The following SLCO4A1 variants were observed in gnomAD, a reference collection of about 807,000 sequenced individuals.
SLCO4A1 encodes the protein colon organic anion transporter.
Under a neutral mutation model 64.6 loss-of-function variants are expected in SLCO4A1, and 51 were observed. The ratio of observed to expected loss-of-function variants is 0.79; its 90% confidence interval spans 0.63 to 1.00. The LOEUF (loss-of-function observed/expected upper bound fraction) is 1.00. Among genes scored for constraint, SLCO4A1 ranks in the 50% least tolerant of loss-of-function variants. SLCO4A1 has a pLI of 0.00. For synonymous variants in SLCO4A1, 471 were observed against 444.9 expected, an observed-to-expected ratio of 1.06 and a Z score of -0.74; for missense variants, 919 against 980.5, an observed-to-expected ratio of 0.94 and a Z score of 0.84.
chr20:62,672,015 G>A lies in SLCO4A1; in HGVS notation c.*122G>A, dbSNP rs905108317. 2.5e-6 allele frequency: 4 copies of A among 1,578,820 alleles called. No homozygotes were observed. Among genetic ancestry groups the A allele is most frequent in the Middle Eastern group, 1.7e-4 (1 of 6,038 alleles). The stretch of plus-strand genomic sequence containing the variant: ...TGACCTGCAACCTTCTACTTAACCT[G>A]TGGTTTAAAGTCGGCTGTGACCTCC... On this transcript the variant is annotated 3_prime_UTR_variant, in exon 12 of 12. Coordinates refer to ENST00000217159, the MANE Select transcript of SLCO4A1 (RefSeq NM_016354.4).
chr20:62,658,100 G>A (rs1012576166), intron 2 of SLCO4A1, among the ~76,000 whole-genome samples: 2 of 152,280 alleles, frequency 1.3e-5, no homozygotes, highest in East Asian at 1.9e-4. Context: ...TCCCGGGAAG[G>A]GCATCGTAGG....
At position 62,656,571 on chromosome 20, in the gene SLCO4A1, G is replaced by C. The variant is rs746181280; in HGVS notation, c.117G>C (p.Leu39=). ...PSRRASPGTP[L]SPGSLRSAAH... ...GGAGGGCATCCCCGGGCACACCCCT[G>C]AGCCCCGGCTCCCTCCGCTCCGCTG... is the stretch of plus-strand genomic sequence containing the variant. Residue 39 remains leucine (L), a synonymous_variant, in exon 2 of 12, where the codon CTG becomes CTC. Transcript: ENST00000217159. The C allele has an allele frequency of 6.3e-7, 1 of 1,587,774 alleles. No individual in the cohort carries two copies. The highest frequency in any genetic ancestry group is 8.5e-7 in the Non-Finnish European group (1 of 1,171,518).
downstream of SLCO4A1, among the ~76,000 whole-genome samples, chr20:62,673,150 G>A (rs1316699057): frequency 7.0e-6 from 1 of 142,606 alleles, no homozygotes; most frequent in Non-Finnish European, 1.6e-5. Flanking sequence ...TGACTGCTGG[G>A]CCAGGGAGGG....
Position 62,644,411 on chromosome 20 carries a change from C to G in SLCO4A1, c.-97+1858C>G, listed in dbSNP as rs918054253. ...AGCTCACTGGGTGTGGCCCCTAAAG[C>G]AGGTGCTGGGCAAGTCCCTCCCATG... On this transcript the variant is annotated intron_variant, in intron 1 of 11. Transcript: ENST00000217159. This position sits in a 1 kb window ranked among gnomAD's most constrained non-coding sequence, Gnocchi z 5.4. Among the ~76,000 whole-genome samples the G allele has an allele frequency of 6.6e-6, 1 of 152,240 alleles. No individual in the cohort carries two copies. Among genetic ancestry groups the G allele is most frequent in the Non-Finnish European group, 1.5e-5 (1 of 68,032 alleles).
chr20:62,683,063 G>A (rs923727995), intron 2 of SLCO4A1, among the ~76,000 whole-genome samples: 3 of 152,240 alleles, frequency 2.0e-5, no homozygotes, highest in African/African-American at 7.2e-5. Flanking sequence ...GAACACAAAA[G>A]ATGAACCATA....
chr20:62,656,266 C>T (rs1983691793), intron 1 of SLCO4A1, 93 bp from the exon 2 acceptor site: 2 of 574,104 alleles, frequency 3.5e-6, no homozygotes, highest in Non-Finnish European at 6.0e-6. Context: ...AGCTTTGAGC[C>T]ACCCCCGTGA....
At chr20:62,657,722 T>C (rs374733643) in intron 2 of SLCO4A1, among the ~76,000 whole-genome samples, 11 of 152,186 alleles carry the variant, frequency 7.2e-5, no homozygotes, top group South Asian at 2.1e-4. Flanking sequence ...ATCAGCCACA[T>C]AGAGGTGGAG....
At chr20:62,680,597 G>A (rs983343541) in intron 2 of SLCO4A1, among the ~76,000 whole-genome samples, 1 of 151,336 alleles carries the variant, frequency 6.6e-6, no homozygotes, top group African/African-American at 2.4e-5. Context: ...CCATAAATGG[G>A]TGTTGAGCTT....
At chr20:62,657,758 C>T (rs999003887) in intron 2 of SLCO4A1, among the ~76,000 whole-genome samples, 18 of 152,268 alleles carry the variant, frequency 1.2e-4, no homozygotes, top group Non-Finnish European at 2.2e-4. Context: ...ACCACACCCA[C>T]GTCTGCCCGT....
At chr20:62,690,666 C>T (rs6062847), downstream of SLCO4A1, among the ~76,000 whole-genome samples, 24,188 of 152,288 alleles carry the variant, frequency 0.16, 2,157 homozygotes, top group African/African-American at 0.25. Flanking sequence ...GCTTCCAATT[C>T]GGGGCCTGAC....
rs983145249 is a variant in SLCO4A1 at position 62,648,268 on chromosome 20, G to A, written c.-97+5715G>A. The stretch of plus-strand genomic sequence containing the variant: ...GGCTCTCTAGATGCACCGGAGGGGC[G>A]GGGTGGTTTGCGTTTCTCTCGGGCT... On this transcript the variant is annotated intron_variant, in intron 1 of 11. Coordinates refer to ENST00000217159, the MANE Select transcript of SLCO4A1 (RefSeq NM_016354.4). Among the ~76,000 whole-genome samples, 5 of 152,248 alleles carry A rather than the reference G, an allele frequency of 3.3e-5. No individual in the cohort carries two copies. The East Asian group carries it at 5.8e-4, about 18-fold the overall frequency.
chr20:62,645,312 G>A lies in SLCO4A1; in HGVS notation c.-97+2759G>A, dbSNP rs565076463. Among the ~76,000 whole-genome samples, 1 of 152,172 alleles carries A rather than the reference G, an allele frequency of 6.6e-6. No individual in the cohort carries two copies. Among genetic ancestry groups the A allele is most frequent in the South Asian group, 2.1e-4 (1 of 4,814 alleles). ...TGAGGAGGAAACTGGCCCTGCTGCT[G>A]GGACAACAGACTCTGGGCGTGTCCT... is the stretch of plus-strand genomic sequence containing the variant. On this transcript the variant is annotated intron_variant, in intron 1 of 11. Transcript: ENST00000217159. The surrounding 1 kb of genome is among the most constrained non-coding windows in gnomAD (Gnocchi z 4.2).
chr20:62,667,543 G>C lies in SLCO4A1; in HGVS notation c.1473-202G>C, dbSNP rs529694373. The C allele has an allele frequency of 2.6e-5, 16 of 609,808 alleles. No individual in the cohort carries two copies. The East Asian group carries it at 4.4e-4, about 17-fold the overall frequency. The allele number at this position is 609,808 out of a possible 1,614,324, so 37.8% of individuals were successfully genotyped here. ...GGGGGCATGGGTGTGCCTTCCTTGC[G>C]TGAGGAGGAAAAACCATTCTATCAC... is the stretch of plus-strand genomic sequence containing the variant. On this transcript the variant is annotated intron_variant, in intron 7 of 11. Transcript: ENST00000217159.
chr20:62,650,134 G>C (rs1189098317), intron 1 of SLCO4A1: 1 of 152,218 alleles, frequency 6.6e-6, no homozygotes, highest in Non-Finnish European at 1.5e-5. Context: ...TGAGGATGAG[G>C]CTCCATCCTT....
chr20:62,666,823 C>T (rs990169661), intron 7 of SLCO4A1: 6 of 542,768 alleles, frequency 1.1e-5, no homozygotes, highest in East Asian at 3.0e-5. Flanking sequence ...ATATGCCTCT[C>T]TGGGCCTCAG....
downstream of SLCO4A1, among the ~76,000 whole-genome samples, chr20:62,687,682 ACACCT>A: frequency 6.6e-6 from 1 of 152,180 alleles, no homozygotes; most frequent in African/African-American, 2.4e-5. Context: ...GGCCTAAGCC[ACACCT>A]CGGGGTGCAC....
chr20:62,669,802 A>C (rs1181524462), intron 11 of SLCO4A1: 2 of 152,188 alleles, frequency 1.3e-5, no homozygotes, highest in African/African-American at 4.8e-5. Flanking sequence ...GGTTAGAGAA[A>C]GGGAAGGAGC....
At chr20:62,642,962 A>G (rs1447133419) in intron 1 of SLCO4A1, 2 of 468,754 alleles carry the variant, frequency 4.3e-6, no homozygotes, top group Admixed American at 2.4e-5. Flanking sequence ...CCACAGATCC[A>G]GCTGGGGACG....
chr20:62,667,517 G>A (rs893743129), intron 7 of SLCO4A1: 35 of 574,590 alleles, frequency 6.1e-5, no homozygotes, highest in Non-Finnish European at 9.9e-5. Context: ...GGACGGTGCT[G>A]GGGGGCATGG....
Sources: gnomAD v4.1 joint callset for allele counts (sites outside exome capture counted in the v4.1 genomes callset) on GRCh38, gnomAD v4.1.1 for gene constraint, Gnocchi (gnomAD v3.1) non-coding constraint, MANE v1.5 for transcripts, NCBI Gene and HGNC (gene_info 2026-07-23, HGNC 2026-07-21) for gene names.